Variants in SGCD observed in about 807,000 individuals in gnomAD.
The protein encoded by SGCD is delta-sarcoglycan.
Under a neutral mutation model 36.6 loss-of-function variants are expected in SGCD, and 18 were observed. The ratio of observed to expected loss-of-function variants is 0.49; its 90% CI spans 0.34 to 0.73. The LOEUF (loss-of-function observed/expected upper bound fraction) is 0.73, where lower values mean the gene tolerates loss of function less well. SGCD is among the 30% of genes least tolerant of loss of function. The pLI is 0.01. For missense variants in SGCD, 387 were observed against 346.7 expected, an observed-to-expected ratio of 1.12 and a Z score of -0.92; for synonymous variants, 133 against 130.6, an observed-to-expected ratio of 1.02 and a Z score of -0.12.
At chr5:155,785,425 G>A in the SGCD span, among the ~76,000 whole-genome samples, 55 of 152,080 alleles carry the variant, frequency 3.6e-4, no homozygotes, top group Admixed American at 1.3e-4. Flanking sequence ...TCTTTGTGGT[G>A]GAAACATACA....
chr5:156,073,708 A>G, intron 1 of SGCD, among the ~76,000 whole-genome samples: 1 of 152,218 alleles, frequency 6.6e-6, no homozygotes. Context: ...CATGTTCTCT[A>G]CCCATGAAGA....
At chr5:156,075,413 T>C (rs555937150) in intron 1 of SGCD, among the ~76,000 whole-genome samples, 28 of 152,220 alleles carry the variant, frequency 1.8e-4, no homozygotes, top group Non-Finnish European at 3.1e-4. Context: ...CAAGGATAGA[T>C]TATGGGTAGA....
intron 1 of SGCD, among the ~76,000 whole-genome samples, chr5:155,988,855 T>C (rs1000976474): frequency 2.0e-5 from 3 of 152,210 alleles, no homozygotes; most frequent in Non-Finnish European, 2.9e-5. Context: ...ACTGGAAACA[T>C]TCAGTAAGTT....
chr5:156,215,686 AT>A (rs1196703747), intron 3 of SGCD, among the ~76,000 whole-genome samples: 3 of 152,128 alleles, frequency 2.0e-5, no homozygotes, highest in Admixed American at 2.0e-4. Flanking sequence ...GATGGCTGTT[AT>A]GAAAAAAGTG....
intron 7 of SGCD, among the ~76,000 whole-genome samples, chr5:156,756,769 C>G (rs1757350040): frequency 6.6e-6 from 1 of 152,166 alleles, no homozygotes; most frequent in Admixed American, 6.5e-5. Flanking sequence ...CCTGTAACCA[C>G]CACTGCAATC....
chr5:156,621,193 A>AT (rs142632321), intron 6 of SGCD, among the ~76,000 whole-genome samples: 2,678 of 152,020 alleles, frequency 0.018, 32 homozygotes, highest in Non-Finnish European at 0.029. Context: ...AGAAAGTTAG[A>AT]TTTTTTTTCC....
chr5:156,462,142 C>T (rs957472870), intron 3 of SGCD, among the ~76,000 whole-genome samples: 1 of 152,110 alleles, frequency 6.6e-6, no homozygotes, highest in African/African-American at 2.4e-5. Flanking sequence ...TGTGCTTTTC[C>T]TCTTGTTCAA....
At chr5:156,757,899 A>G (rs1757402581) in intron 8 of SGCD, 195 bp downstream of exon 8, 2 of 1,320,534 alleles carry the variant, frequency 1.5e-6, no homozygotes, top group African/African-American at 3.0e-5. Context: ...ATGATTTCTT[A>G]TTTGTAAAAT....
chr5:156,268,296 T>A (rs1324096940), intron 3 of SGCD, among the ~76,000 whole-genome samples: 1 of 152,206 alleles, frequency 6.6e-6, no homozygotes, highest in East Asian at 1.9e-4. Context: ...CAGTGAACAT[T>A]TGTGTGCATG....
At chr5:156,131,914 A>C (rs543339079) in intron 3 of SGCD, among the ~76,000 whole-genome samples, 1 of 152,330 alleles carries the variant, frequency 6.6e-6, no homozygotes, top group East Asian at 1.9e-4. Context: ...TATTTTCTTC[A>C]TGACTTCAGC....
chr5:156,447,176 A>C (rs1464287574), intron 3 of SGCD, among the ~76,000 whole-genome samples: 2 of 152,184 alleles, frequency 1.3e-5, no homozygotes, highest in Non-Finnish European at 2.9e-5. Flanking sequence ...AGATTAATTT[A>C]CACTCCTTCT....
At chr5:156,568,217 C>A (rs1442943081) in intron 4 of SGCD, among the ~76,000 whole-genome samples, 1 of 152,076 alleles carries the variant, frequency 6.6e-6, no homozygotes, top group East Asian at 1.9e-4. Flanking sequence ...AACCTCTTCT[C>A]TACTAAAAAT....
intron 3 of SGCD, among the ~76,000 whole-genome samples, chr5:156,505,214 C>T (rs889359623): frequency 2.6e-5 from 4 of 152,164 alleles, no homozygotes; most frequent in Admixed American, 6.5e-5. Context: ...AGGTGAGACA[C>T]GTGCCATGTC....
chr5:156,727,663 A>G (rs1385469035), intron 7 of SGCD, among the ~76,000 whole-genome samples: 1 of 143,618 alleles, frequency 7.0e-6, no homozygotes. Context: ...GTGAAGTTAG[A>G]TCTGGGTTTT....
chr5:156,609,716 C>T (rs11957087), intron 6 of SGCD, among the ~76,000 whole-genome samples: 10,244 of 152,242 alleles, frequency 0.067, 375 homozygotes, highest in South Asian at 0.1. Flanking sequence ...TCACATAGTC[C>T]CAAATTTCTT....
At chr5:155,838,076 AGACT>A in the SGCD span, among the ~76,000 whole-genome samples, 1 of 152,216 alleles carries the variant, frequency 6.6e-6, no homozygotes, top group Non-Finnish European at 1.5e-5. Flanking sequence ...CCTTTCTGAC[AGACT>A]GTTTTGAAGC....
At chr5:155,813,281 T>G in the SGCD span, among the ~76,000 whole-genome samples, 1 of 152,208 alleles carries the variant, frequency 6.6e-6, no homozygotes, top group Non-Finnish European at 1.5e-5. Context: ...AGGAATCAGA[T>G]GATCAAAGCT....
At chr5:156,177,897 A>G (rs57052744) in intron 3 of SGCD, among the ~76,000 whole-genome samples, 44,594 of 151,952 alleles carry the variant, frequency 0.29, 6,971 homozygotes, top group East Asian at 0.57. Context: ...ATCACTTGGC[A>G]GCATTAAGGA....
In SGCD at chr5:156,056,928, G is replaced by A. The variant is rs544841334; in HGVS notation, c.-281-60950G>A. Among the ~76,000 whole-genome samples, 22 of 146,188 alleles carry A rather than the reference G, an allele frequency of 1.5e-4. 1 individual carries two copies. The highest frequency in any genetic ancestry group is 5.4e-4 in the African/African-American group (22 of 40,698). On this transcript the variant is annotated intron_variant, in intron 1 of 9. Coordinates refer to the SGCD transcript ENST00000517913. Reference sequence around the variant, plus strand: ...TGATACCTACTTAGTGTAATAGGTTGTTCAAAGCAGTTTTATCAAGACAGG... The same window carrying A: ...TGATACCTACTTAGTGTAATAGGTTATTCAAAGCAGTTTTATCAAGACAGG...
Sources: allele counts gnomAD v4.1 joint callset (sites outside exome capture counted in the v4.1 genomes callset), GRCh38; gene constraint gnomAD v4.1.1; transcripts MANE v1.5; gene names NCBI Gene and HGNC (gene_info 2026-07-23, HGNC 2026-07-21).